Variants in C8orf34 observed in about 807,000 individuals in gnomAD.
C8orf34 encodes chromosome 8 open reading frame 34.
A neutral mutation model predicts 68.3 loss-of-function variants in C8orf34; 65 were observed. The ratio of observed to expected loss-of-function variants is 0.95; its 90% CI spans 0.78 to 1.17. C8orf34 has a LOEUF of 1.17. Ranked by LOEUF, C8orf34 falls within the 50% of genes most tolerant of loss-of-function variation. C8orf34 has a pLI of 0.00. For missense variants in C8orf34, 664 were observed against 655.4 expected (o/e 1.01, Z -0.14); for synonymous variants, 244 against 241.2 (o/e 1.01, Z -0.11).
At chr8:68,488,155 A>G in intron 5 of C8orf34, 104 bp downstream of exon 5, 1 of 805,968 alleles carries the variant, frequency 1.2e-6, no homozygotes, top group South Asian at 2.1e-5. Context: ...GTTCAAGTAT[A>G]ATTTATTTGG....
intron 7 of C8orf34, among the ~76,000 whole-genome samples, chr8:68,611,521 A>T (rs563561440): frequency 6.6e-6 from 1 of 152,182 alleles, no homozygotes; most frequent in African/African-American, 2.4e-5. Flanking sequence ...TAAAGCATTC[A>T]TGTCATAGAA....
At chr8:68,353,021 GACA>G (rs1371974519) in intron 1 of C8orf34, among the ~76,000 whole-genome samples, 5 of 152,004 alleles carry the variant, frequency 3.3e-5, no homozygotes, top group Admixed American at 1.3e-4. Context: ...GTAGATAACT[GACA>G]ACAATTCCTT....
At chr8:68,698,160 A>G (rs544690185) in intron 8 of C8orf34, among the ~76,000 whole-genome samples, 1 of 152,078 alleles carries the variant, frequency 6.6e-6, no homozygotes, top group Non-Finnish European at 1.5e-5. Flanking sequence ...GTGATACTGT[A>G]TATCACTGGT....
At position 68,533,090 on chromosome 8, in the gene C8orf34, C is replaced by G. The variant is rs77860035; in HGVS notation, c.1046C>G (p.Pro349Arg). 1.4e-3 allele frequency: 2,181 copies of G among 1,612,084 alleles called. 24 individuals carry two copies. The Admixed American group carries it at 0.018, about 13-fold the overall frequency. The change falls in exon 7 of 14, where the codon CCT (proline) becomes CGT (arginine). Residue 349 changes from proline (P) to arginine (R), a missense_variant. Coordinates refer to ENST00000518698, the MANE Select transcript of C8orf34 (RefSeq NM_052958.4). The part of the protein sequence containing the change: ...SQDSFESIHS[P>R]TPSVTEEDID... ...GATTCTTTTGAGTCCATCCACAGCC[C>G]TACCCCATCTGTAACAGAAGAAGAT...
Position 68,369,737 on chromosome 8 carries a change from GAGA to G in C8orf34, c.327+38401_327+38403del, listed in dbSNP as rs528164201. Reference sequence around the variant, plus strand: ...GTCTCAGAAGAAAACTAGTCATCTGGAGAAGCAGACAGGACTTTACTAAAAGCC... The same window carrying G: ...GTCTCAGAAGAAAACTAGTCATCTGGAGCAGACAGGACTTTACTAAAAGCC... On this transcript the variant is annotated intron_variant, in intron 1 of 13. Coordinates refer to ENST00000518698, the MANE Select transcript of C8orf34 (RefSeq NM_052958.4). 4.6e-5 allele frequency among the ~76,000 whole-genome samples: 7 copies of G among 152,314 alleles called. 1 individual carries two copies. The highest frequency in any genetic ancestry group is 1.4e-4 in the African/African-American group (6 of 41,578).
intron 7 of C8orf34, among the ~76,000 whole-genome samples, chr8:68,537,063 A>C (rs1480860525): frequency 6.6e-6 from 1 of 152,142 alleles, no homozygotes; most frequent in African/African-American, 2.4e-5. Context: ...AACTTTTATA[A>C]AGTAAATATT....
rs771981922 is a variant in C8orf34, at chr8:68,468,702, A to G, written c.618A>G (p.Ser206=). ...TTTTTTTAAACATAGTGCCAAGGTC[A>G]GTAGAGCATCCAAAGTGGAACTGGA... is the stretch of plus-strand genomic sequence containing the variant. The part of the protein sequence containing the change: ...PSPDSKSLPR[S]VEHPKWNWRT... The change falls in exon 4 of 14, where the codon TCA becomes TCG. Residue 206 remains serine, a synonymous_variant. Transcript: ENST00000518698. 6 of 1,612,316 alleles carry G rather than the reference A, an allele frequency of 3.7e-6. No homozygotes were observed. Among genetic ancestry groups the G allele is most frequent in the African/African-American group, 1.3e-5 (1 of 74,812 alleles).
At chr8:68,693,108 A>C (rs1421257115) in intron 8 of C8orf34, among the ~76,000 whole-genome samples, 1 of 152,062 alleles carries the variant, frequency 6.6e-6, no homozygotes, top group Non-Finnish European at 1.5e-5. Context: ...TTTCCCCCAA[A>C]TTTATGAATT....
chr8:68,521,826 C>G lies in C8orf34; in HGVS notation c.793C>G (p.Leu265Val). 1 of 1,613,794 alleles carries G rather than the reference C, an allele frequency of 6.2e-7. No individual in the cohort carries two copies. Among genetic ancestry groups the G allele is most frequent in the Non-Finnish European group, 8.5e-7 (1 of 1,179,824 alleles). Residue 265 changes from leucine (L) to valine (V), a missense_variant, in exon 6 of 14, where the codon CTG becomes GTG. Leu to Val is a conservative substitution (Grantham distance 32). Transcript: ENST00000518698. ...AACAGTGACATTTAATTCTTCTCTT[C>G]TGAGGCCCCGTGTGATTGGAGAATG... is the stretch of plus-strand genomic sequence containing the variant. ...KETVTFNSSLLRPRVIGEWIG... is the reference protein window; with the variant it reads ...KETVTFNSSLVRPRVIGEWIG...
At chr8:68,603,972 T>C (rs1215262272) in intron 7 of C8orf34, among the ~76,000 whole-genome samples, 1 of 151,998 alleles carries the variant, frequency 6.6e-6, no homozygotes, top group Admixed American at 6.6e-5. Flanking sequence ...AGGCAGAAAG[T>C]GAAAGAAGAT....
chr8:68,537,499 C>T (rs926197911), intron 7 of C8orf34, among the ~76,000 whole-genome samples: 12 of 150,978 alleles, frequency 7.9e-5, no homozygotes, highest in Admixed American at 2.0e-4. Flanking sequence ...CTTGCTTTGG[C>T]TAATGCAGTT....
At chr8:68,330,489 C>T (rs1048336342), upstream of C8orf34, among the ~76,000 whole-genome samples, 2 of 152,112 alleles carry the variant, frequency 1.3e-5, no homozygotes, top group African/African-American at 4.8e-5. Flanking sequence ...CCCTTAAACC[C>T]ACGCACCTTC....
At chr8:68,445,978 C>T (rs917059117) in intron 2 of C8orf34, among the ~76,000 whole-genome samples, 14 of 152,086 alleles carry the variant, frequency 9.2e-5, no homozygotes, top group African/African-American at 2.4e-4. Flanking sequence ...TTAGTGGAGA[C>T]GACGGGTTTC....
chr8:68,668,907 C>T (rs948783503), intron 8 of C8orf34, among the ~76,000 whole-genome samples: 3 of 152,104 alleles, frequency 2.0e-5, no homozygotes, highest in Admixed American at 2.0e-4. Context: ...TCAACCAATA[C>T]CTCCAATGAG....
intron 10 of C8orf34, among the ~76,000 whole-genome samples, chr8:68,774,877 C>T (rs1823462160): frequency 6.9e-6 from 1 of 145,874 alleles, no homozygotes; most frequent in Non-Finnish European, 1.5e-5. Context: ...GAGGCTAAGG[C>T]AGGCAGATTA....
Position 68,684,125 on chromosome 8 carries a change from G to A in C8orf34, c.1242-24869G>A, listed in dbSNP as rs151118179. 4.5e-3 allele frequency among the ~76,000 whole-genome samples: 691 copies of A among 152,046 alleles called. 4 individuals are homozygous for A. Among genetic ancestry groups the A allele is most frequent in the African/African-American group, 0.016 (655 of 41,468 alleles). On this transcript the variant is annotated intron_variant, in intron 8 of 13. Transcript: ENST00000518698. ...CTACTTTCTTTTTCTTTCATCATCT[G>A]AATGAAGCCTCATGACACCAACTGG...
At chr8:68,426,829 A>G (rs1030602884) in intron 1 of C8orf34, among the ~76,000 whole-genome samples, 2 of 151,228 alleles carry the variant, frequency 1.3e-5, no homozygotes, top group Non-Finnish European at 2.9e-5. Flanking sequence ...AGGTCGCGCC[A>G]TTGCACTCCA....
Position 68,496,735 on chromosome 8 carries a change from T to C in C8orf34, c.765+8684T>C, listed in dbSNP as rs552225022. ...TTATTTCTCCCCAGGCAGACAAATC[T>C]GAGTTTTATTGCTTTTTTTGGTCAG... is the stretch of plus-strand genomic sequence containing the variant. On this transcript the variant is annotated intron_variant, in intron 5 of 13. Transcript: ENST00000518698. Among the ~76,000 whole-genome samples the C allele has an allele frequency of 2.6e-5, 4 of 152,334 alleles. No homozygotes were observed. In the South Asian group the frequency reaches 6.2e-4, roughly 24 times the overall value.
At chr8:68,803,018 A>T (rs940943967) in intron 12 of C8orf34, among the ~76,000 whole-genome samples, 6 of 152,076 alleles carry the variant, frequency 3.9e-5, no homozygotes, top group Admixed American at 6.6e-5. Context: ...TTAATAATTT[A>T]AAAACCTCAT....
Sources: gnomAD v4.1 joint callset for allele counts (sites outside exome capture counted in the v4.1 genomes callset) on GRCh38, gnomAD v4.1.1 for gene constraint, MANE v1.5 for transcripts, NCBI Gene and HGNC (gene_info 2026-07-23, HGNC 2026-07-21) for gene names.